The following CAMK2B variants were observed in gnomAD, a reference collection of about 807,000 sequenced individuals.
CAMK2B encodes calcium/calmodulin dependent protein kinase II beta, also known as calcium/calmodulin-dependent protein kinase type II subunit beta.
In CAMK2B, 27 loss-of-function variants were observed where a neutral mutation model predicts 93.7. The ratio of observed to expected loss-of-function variants is 0.29; its 90% CI spans 0.21 to 0.40. The LOEUF is 0.40. Ranked by LOEUF, CAMK2B falls within the 10% of genes least tolerant of loss-of-function variation. The pLI is 1.00. For missense variants in CAMK2B, 568 were observed against 895.8 expected, an observed-to-expected ratio of 0.63 and a Z score of 4.67; for synonymous variants, 374 against 358.8, an observed-to-expected ratio of 1.04 and a Z score of -0.48.
At position 44,243,415 on chromosome 7, in the gene CAMK2B, T is replaced by G. The variant is rs1269486950; in HGVS notation, c.517+10A>C. On this transcript the variant is annotated intron_variant, in intron 7 of 23. Coordinates refer to ENST00000395749, the MANE Select transcript of CAMK2B (RefSeq NM_001220.5). ...ACTGCCAGCCAACACACCCTGCCCC[T>G]GGCACTCACCAAACCATGCCTGCTG... 6.2e-7 allele frequency: 1 copy of G among 1,613,886 alleles called. No homozygotes were observed. Among genetic ancestry groups the G allele is most frequent in the South Asian group, 1.1e-5 (1 of 91,080 alleles).
intron 1 of CAMK2B, among the ~76,000 whole-genome samples, chr7:44,323,293 C>T (rs1208990123): frequency 1.3e-5 from 2 of 152,272 alleles, no homozygotes; most frequent in Non-Finnish European, 2.9e-5. Flanking sequence ...GATGCCAGGC[C>T]CCACTCCTCA....
chr7:44,317,801 A>G (rs909325297), intron 1 of CAMK2B, among the ~76,000 whole-genome samples: 4 of 152,162 alleles, frequency 2.6e-5, no homozygotes, highest in Non-Finnish European at 5.9e-5. Context: ...AAATGAAGGT[A>G]AACTTCAAAT....
At chr7:44,300,591 A>C (rs1019275182) in intron 1 of CAMK2B, among the ~76,000 whole-genome samples, 2 of 152,268 alleles carry the variant, frequency 1.3e-5, no homozygotes, top group African/African-American at 4.8e-5. Context: ...ATGCAGTCCT[A>C]AACATGTACA....
chr7:44,321,891 C>T (rs1584977432), intron 1 of CAMK2B, among the ~76,000 whole-genome samples: 1 of 152,358 alleles, frequency 6.6e-6, no homozygotes, highest in Admixed American at 6.5e-5. Flanking sequence ...GCGGCCCCAA[C>T]GCTGCTGTGT....
chr7:44,276,304 C>T (rs1227119077), intron 2 of CAMK2B, among the ~76,000 whole-genome samples: 2 of 152,148 alleles, frequency 1.3e-5, no homozygotes, highest in African/African-American at 2.4e-5. Flanking sequence ...CCCAGTTCCG[C>T]GGATTCTGCC....
chr7:44,285,481 C>T (rs937451483), intron 1 of CAMK2B, among the ~76,000 whole-genome samples: 4 of 152,192 alleles, frequency 2.6e-5, no homozygotes, highest in African/African-American at 7.2e-5. Context: ...CAGAAAGCTT[C>T]TTCGGCCTGG....
chr7:44,288,463 C>T lies in CAMK2B; in HGVS notation c.66-4238G>A, dbSNP rs371474303. ...GAGGTGCTCCTACGGGATCCCAGGT[C>T]GCTGTTCCTGTGGGCTGCGAATTGC... On this transcript the variant is annotated intron_variant, in intron 1 of 23. Transcript: ENST00000395749. Among the ~76,000 whole-genome samples, 208 of 152,312 alleles carry T rather than the reference C, an allele frequency of 1.4e-3. 6 individuals carry two copies. The South Asian group carries it at 0.042, about 30-fold the overall frequency.
intron 2 of CAMK2B, among the ~76,000 whole-genome samples, chr7:44,281,876 A>G (rs568053853): frequency 6.6e-6 from 1 of 152,278 alleles, no homozygotes; most frequent in Non-Finnish European, 1.5e-5. Flanking sequence ...GGCCACCTCC[A>G]GGACCCCCAC....
intron 1 of CAMK2B, among the ~76,000 whole-genome samples, chr7:44,296,158 T>C (rs1224724786): frequency 6.6e-6 from 1 of 152,206 alleles, no homozygotes; most frequent in African/African-American, 2.4e-5. Context: ...TTTTGGGAAC[T>C]ATCAAACTGG....
intron 4 of CAMK2B, 46 bp from the exon 5 acceptor site, chr7:44,254,653 C>A: frequency 7.5e-7 from 1 of 1,325,584 alleles, no homozygotes; most frequent in South Asian, 1.2e-5. Flanking sequence ...AGACCCCTGT[C>A]ACACTGCACT....
rs201448161 is a variant in CAMK2B, at chr7:44,230,982, G to A, written c.1225+24C>T. The A allele has an allele frequency of 2.2e-4, 335 of 1,550,786 alleles. 1 individual carries two copies. The African/African-American group carries it at 3.8e-3, about 17-fold the overall frequency. On this transcript the variant is annotated intron_variant, in intron 17 of 23. Coordinates refer to ENST00000395749, the MANE Select transcript of CAMK2B (RefSeq NM_001220.5). Reference sequence around the variant, plus strand: ...CCCAGCAATGCCAAGGCCGCTGGGGGGGCAAGGACTCAAGTGCAGGTACCT... The same window carrying A: ...CCCAGCAATGCCAAGGCCGCTGGGGAGGCAAGGACTCAAGTGCAGGTACCT...
Position 44,243,438 on chromosome 7 carries a change from C to T in CAMK2B, c.504G>A (p.Gln168=). 1 of 1,614,064 alleles carries T rather than the reference C, an allele frequency of 6.2e-7. No homozygotes were observed. The highest frequency in any genetic ancestry group is 1.1e-5 in the South Asian group (1 of 91,080). The change falls in exon 7 of 24, where the codon CAG becomes CAA. Residue 168 remains glutamine (Q), a synonymous_variant. Coordinates refer to ENST00000395749, the MANE Select transcript of CAMK2B (RefSeq NM_001220.5). ...CCTGGCACTCACCAAACCATGCCTG[C>T]TGGTCCCCCTGCACCTCGATAGCTA... The part of the protein sequence containing the change: ...FGLAIEVQGD[Q]QAWFGFAGTP...
At chr7:44,297,684 C>T (rs1034981650) in intron 1 of CAMK2B, among the ~76,000 whole-genome samples, 1 of 152,052 alleles carries the variant, frequency 6.6e-6, no homozygotes. Context: ...AAGTGAAATC[C>T]CTATCAAAAT....
chr7:44,301,473 T>C (rs992239240), intron 1 of CAMK2B, among the ~76,000 whole-genome samples: 4 of 152,186 alleles, frequency 2.6e-5, no homozygotes, highest in African/African-American at 7.2e-5. Flanking sequence ...TAGCATCAAG[T>C]GCCTACATTT....
At chr7:44,276,202 T>C (rs1361124823) in intron 2 of CAMK2B, among the ~76,000 whole-genome samples, 2 of 135,594 alleles carry the variant, frequency 1.5e-5, no homozygotes, top group Non-Finnish European at 3.2e-5. Flanking sequence ...GTCTCCAGGC[T>C]GGGAGGGGAG....
intron 20 of CAMK2B, chr7:44,226,055 C>T: frequency 2.1e-6 from 1 of 484,774 alleles, no homozygotes; most frequent in Non-Finnish European, 3.4e-6. Context: ...TCCCCACCTG[C>T]TCCCTGCTGT....
intron 1 of CAMK2B, among the ~76,000 whole-genome samples, chr7:44,315,868 T>C (rs1251805669): frequency 6.6e-6 from 1 of 152,216 alleles, no homozygotes; most frequent in Non-Finnish European, 1.5e-5. Flanking sequence ...GAACTTCTAG[T>C]CCATTGAAAT....
At chr7:44,299,221 G>C (rs937710194) in intron 1 of CAMK2B, among the ~76,000 whole-genome samples, 3 of 152,192 alleles carry the variant, frequency 2.0e-5, no homozygotes, top group Non-Finnish European at 2.9e-5. Context: ...GAAAAGGAAG[G>C]AAATCATGTC....
intron 22 of CAMK2B, 73 bp from the exon 23 acceptor site, chr7:44,220,367 C>A: frequency 8.3e-7 from 1 of 1,206,058 alleles, no homozygotes; most frequent in Non-Finnish European, 1.2e-6. Context: ...ACCCCACCAG[C>A]CTAATCCTTT....
Sources: gnomAD v4.1 joint callset for allele counts (sites outside exome capture counted in the v4.1 genomes callset) on GRCh38, gnomAD v4.1.1 for gene constraint, MANE v1.5 for transcripts, NCBI Gene and HGNC (gene_info 2026-07-23, HGNC 2026-07-21) for gene names.